The following SNX3 variants were observed in gnomAD, a reference collection of about 807,000 sequenced individuals.
The protein encoded by SNX3 is sorting nexin 3, also known as sorting nexin-3.
SNX3 carries 5 observed loss-of-function variants against 17.7 expected under a neutral mutation model. The observed-to-expected ratio is 0.28, with a 90% CI of 0.15 to 0.59. The LOEUF (loss-of-function observed/expected upper bound fraction) is 0.59. Among genes scored for constraint, SNX3 ranks in the 20% least tolerant of loss-of-function variants. The pLI is 0.88. For synonymous variants in SNX3, 91 were observed against 76.5 expected, an observed-to-expected ratio of 1.19 and a Z score of -0.99; for missense variants, 132 against 206.8, an observed-to-expected ratio of 0.64 and a Z score of 2.22.
At chr6:108,251,473 T>A (rs1775856086) in intron 1 of SNX3, among the ~76,000 whole-genome samples, 1 of 152,134 alleles carries the variant, frequency 6.6e-6, no homozygotes, top group Non-Finnish European at 1.5e-5. Flanking sequence ...AGTACAGCAA[T>A]GCGCAGAAAC....
chr6:108,217,612 C>T lies in SNX3; in HGVS notation c.259-2990G>A, dbSNP rs138218390. ...TCTACTAAAAATACAAAAAATTAGC[C>T]GGGCATGGTGGTGCATGCTTGTAAC... On this transcript the variant is annotated intron_variant, in intron 2 of 3. Coordinates refer to ENST00000230085, the MANE Select transcript of SNX3 (RefSeq NM_003795.6). 4.9e-4 allele frequency among the ~76,000 whole-genome samples: 74 copies of T among 151,992 alleles called. No individual in the cohort carries two copies. The East Asian group carries it at 0.013, about 26-fold the overall frequency.
In SNX3 at chr6:108,213,085, G is replaced by A. The variant is rs887509937; in HGVS notation, c.384-831C>T. Among the ~76,000 whole-genome samples the A allele has an allele frequency of 1.1e-4, 16 of 150,884 alleles. No individual in the cohort carries two copies. In the East Asian group the frequency reaches 3.0e-3, roughly 28 times the overall value. ...GTATTTTTAGTAGAGACAGGGTTTC[G>A]CCATGTTGGCCAGGCTGGCCTTGGA... is the stretch of plus-strand genomic sequence containing the variant. On this transcript the variant is annotated intron_variant, in intron 3 of 3. Coordinates refer to ENST00000230085, the MANE Select transcript of SNX3 (RefSeq NM_003795.6).
At chr6:108,228,092 T>C (rs1775028053) in intron 1 of SNX3, among the ~76,000 whole-genome samples, 2 of 151,950 alleles carry the variant, frequency 1.3e-5, no homozygotes, top group South Asian at 2.1e-4. Flanking sequence ...AATAAGCATA[T>C]AAAAAGTTGA....
chr6:108,236,677 C>T (rs1326655549), intron 1 of SNX3, among the ~76,000 whole-genome samples: 3 of 151,998 alleles, frequency 2.0e-5, no homozygotes, highest in Admixed American at 6.6e-5. Context: ...CGTGAGCCAC[C>T]GTGCCCGGCT....
chr6:108,223,557 A>G lies in SNX3; in HGVS notation c.163-512T>C, dbSNP rs1232357397. ...GAATCTCACTGTCGCCCAGGCAGTGATGTGATCTTGGCTCACTGCAACCTC... is the reference window on the plus strand; with the variant it reads ...GAATCTCACTGTCGCCCAGGCAGTGGTGTGATCTTGGCTCACTGCAACCTC... On this transcript the variant is annotated intron_variant, in intron 1 of 3. Coordinates refer to ENST00000230085, the MANE Select transcript of SNX3 (RefSeq NM_003795.6). Among the ~76,000 whole-genome samples the G allele has an allele frequency of 5.8e-5, 7 of 121,414 alleles. No individual in the cohort carries two copies. The Admixed American group carries it at 7.3e-4, about 13-fold the overall frequency. 79.7% of individuals were successfully genotyped at this position (121,414 alleles called of 152,430 possible).
At chr6:108,227,016 C>T (rs541282709) in intron 1 of SNX3, among the ~76,000 whole-genome samples, 39 of 152,264 alleles carry the variant, frequency 2.6e-4, no homozygotes, top group African/African-American at 8.9e-4. Flanking sequence ...AAGATGCTGG[C>T]TTGTTGTACA....
At chr6:108,219,606 G>GTCAA (rs36070230) in intron 2 of SNX3, among the ~76,000 whole-genome samples, 21 of 152,276 alleles carry the variant, frequency 1.4e-4, no homozygotes, top group Non-Finnish European at 2.2e-4. Flanking sequence ...GCAAGGCTCT[G>GTCAA]TCAATCAATC....
At chr6:108,217,712 C>T (rs1009212537) in intron 2 of SNX3, among the ~76,000 whole-genome samples, 8 of 148,066 alleles carry the variant, frequency 5.4e-5, no homozygotes, top group African/African-American at 1.5e-4. Flanking sequence ...GACTGCACCA[C>T]GGTACTCCAG....
At chr6:108,246,487 ATT>A (rs1164278475) in intron 1 of SNX3, among the ~76,000 whole-genome samples, 3 of 139,032 alleles carry the variant, frequency 2.2e-5, no homozygotes, top group Non-Finnish European at 4.7e-5. Context: ...ACCATGCCTA[ATT>A]TTTTTTTTTT....
intron 1 of SNX3, among the ~76,000 whole-genome samples, chr6:108,231,635 T>C (rs971714331): frequency 9.9e-5 from 15 of 152,230 alleles, no homozygotes; most frequent in African/African-American, 3.6e-4. Context: ...AGAGGTCAGA[T>C]TCCTCCAATA....
In SNX3 at chr6:108,214,922, C is replaced by T. The variant is rs182618808; in HGVS notation, c.259-300G>A. 1.6e-4 allele frequency among the ~76,000 whole-genome samples: 24 copies of T among 152,330 alleles called. No individual in the cohort carries two copies. The East Asian group carries it at 4.6e-3, about 29-fold the overall frequency. ...ACTCACAACACTGAAATAAAGGTTA[C>T]CATGCCCCTCAGACACTTGTGATGC... On this transcript the variant is annotated intron_variant, in intron 2 of 3. Coordinates refer to ENST00000230085, the MANE Select transcript of SNX3 (RefSeq NM_003795.6).
At chr6:108,250,995 T>C (rs529351094) in intron 1 of SNX3, among the ~76,000 whole-genome samples, 9 of 152,186 alleles carry the variant, frequency 5.9e-5, no homozygotes, top group African/African-American at 1.9e-4. Context: ...GCTCAAATTA[T>C]ATACTCCATC....
intron 2 of SNX3, among the ~76,000 whole-genome samples, chr6:108,219,084 G>A (rs903419519): frequency 2.0e-5 from 3 of 152,218 alleles, no homozygotes; most frequent in Admixed American, 2.0e-4. Flanking sequence ...GGGCGGGGTG[G>A]CTCACGCCTG....
At chr6:108,250,905 A>C (rs1428160798) in intron 1 of SNX3, among the ~76,000 whole-genome samples, 1 of 152,204 alleles carries the variant, frequency 6.6e-6, no homozygotes, top group Non-Finnish European at 1.5e-5. Context: ...TTACAAAATT[A>C]TTTTAAGTAA....
In SNX3 at chr6:108,260,763, G is replaced by T. The variant is rs765269350; in HGVS notation, c.159C>A (p.Val53=). The T allele has an allele frequency of 6.2e-7, 1 of 1,613,754 alleles. No homozygotes were observed. Residue 53 remains valine, a synonymous_variant, in exon 1 of 4, where the codon GTC becomes GTA. Coordinates refer to ENST00000230085, the MANE Select transcript of SNX3 (RefSeq NM_003795.6). ...RGRFTTYEIR[V]KTNLPIFKLK... ...GAGAGGGGAGAGACGGCCTCACCTTGACCCTGATTTCGTAAGTGGTGAAGC... is the reference window on the plus strand; with the variant it reads ...GAGAGGGGAGAGACGGCCTCACCTTTACCCTGATTTCGTAAGTGGTGAAGC...
intron 2 of SNX3, among the ~76,000 whole-genome samples, chr6:108,221,307 T>C (rs1489087956): frequency 6.6e-6 from 1 of 151,532 alleles, no homozygotes; most frequent in African/African-American, 2.4e-5. Flanking sequence ...CTGACATCTA[T>C]ATATTTTACT....
intron 1 of SNX3, among the ~76,000 whole-genome samples, chr6:108,252,866 G>A (rs1264494440): frequency 6.6e-6 from 1 of 151,910 alleles, no homozygotes; most frequent in Non-Finnish European, 1.5e-5. Flanking sequence ...TCGAACTCCT[G>A]ATCTCGAGGG....
chr6:108,260,257 T>G (rs1287369565), intron 1 of SNX3, among the ~76,000 whole-genome samples: 3 of 152,136 alleles, frequency 2.0e-5, no homozygotes, highest in African/African-American at 7.2e-5. Context: ...TTCTGTGAAC[T>G]TTCATTAAGT....
At chr6:108,255,433 T>C (rs1026288466) in intron 1 of SNX3, among the ~76,000 whole-genome samples, 38 of 152,078 alleles carry the variant, frequency 2.5e-4, no homozygotes, top group Non-Finnish European at 4.3e-4. Context: ...CACTGCAGTG[T>C]TGACCTCCTC....
Sources: gnomAD v4.1 joint callset for allele counts (sites outside exome capture counted in the v4.1 genomes callset) on GRCh38, gnomAD v4.1.1 for gene constraint, MANE v1.5 for transcripts, NCBI Gene and HGNC (gene_info 2026-07-23, HGNC 2026-07-21) for gene names.